The following ATP10D variants were observed in gnomAD, a reference collection of about 807,000 sequenced individuals.
ATP10D encodes ATPase phospholipid transporting 10D (putative), also known as phospholipid-transporting ATPase VD.
ATP10D carries 89 observed loss-of-function variants against 144.8 expected under a neutral mutation model. That is an observed-to-expected ratio of 0.61 (90% CI 0.52 to 0.73). The LOEUF (loss-of-function observed/expected upper bound fraction) is 0.73, where lower values mean the gene tolerates loss of function less well. Among genes scored for constraint, ATP10D ranks in the 30% least tolerant of loss-of-function variants. ATP10D has a pLI of 0.00. For synonymous variants in ATP10D, 571 were observed against 615.1 expected, an observed-to-expected ratio of 0.93 and a Z score of 1.06; for missense variants, 1,603 against 1,714.8, an observed-to-expected ratio of 0.93 and a Z score of 1.15.
intron 1 of ATP10D, among the ~76,000 whole-genome samples, chr4:47,496,837 TATTAATTA>T (rs940312069): frequency 6.6e-6 from 1 of 151,998 alleles, no homozygotes; most frequent in Non-Finnish European, 1.5e-5. Flanking sequence ...TCTTATAAGA[TATTAATTA>T]ATTAATTAAT....
chr4:47,532,524 C>T (rs190156155), intron 5 of ATP10D, among the ~76,000 whole-genome samples: 1 of 152,182 alleles, frequency 6.6e-6, no homozygotes, highest in African/African-American at 2.4e-5. Flanking sequence ...GAGCTGGCCT[C>T]AGCCATTGGC....
chr4:47,525,708 T>C, intron 5 of ATP10D, 66 bp downstream of exon 5: 2 of 1,317,056 alleles, frequency 1.5e-6, no homozygotes, highest in Admixed American at 1.7e-5. Flanking sequence ...GTACTTAATT[T>C]GATAAAGTGT....
At chr4:47,522,969 C>T in intron 3 of ATP10D, 43 bp from the exon 4 acceptor site, 2 of 1,463,188 alleles carry the variant, frequency 1.4e-6, no homozygotes, top group Admixed American at 1.9e-5. Context: ...ATGTATTTTT[C>T]ACTTGATATT....
intron 3 of ATP10D, among the ~76,000 whole-genome samples, chr4:47,520,636 T>C (rs1317429919): frequency 1.3e-5 from 2 of 152,252 alleles, no homozygotes; most frequent in East Asian, 3.9e-4. Context: ...TGGCGCAACC[T>C]TGGCTCACTG....
At chr4:47,581,886 G>A in intron 20 of ATP10D, 74 bp from the exon 21 acceptor site, 1 of 1,181,634 alleles carries the variant, frequency 8.5e-7, no homozygotes, top group Non-Finnish European at 1.3e-6. Flanking sequence ...CCTTGGTTGA[G>A]CTGTAGATAA....
At chr4:47,527,855 C>A (rs1271093097) in intron 5 of ATP10D, among the ~76,000 whole-genome samples, 1 of 152,060 alleles carries the variant, frequency 6.6e-6, no homozygotes, top group Non-Finnish European at 1.5e-5. Context: ...TAAGCATATG[C>A]CCATTATATA....
intron 16 of ATP10D, 67 bp from the exon 17 acceptor site, chr4:47,572,087 A>G (rs1048324016): frequency 7.0e-7 from 1 of 1,425,772 alleles, no homozygotes; most frequent in Non-Finnish European, 9.9e-7. Flanking sequence ...GCCCCTATTG[A>G]TTTGCAACAT....
chr4:47,563,489 T>C (rs1463920366), intron 14 of ATP10D, 92 bp from the exon 15 acceptor site: 3 of 1,215,940 alleles, frequency 2.5e-6, no homozygotes, highest in Non-Finnish European at 2.3e-6. Context: ...TAGGGTTGAG[T>C]TGGCTAACAG....
intron 9 of ATP10D, among the ~76,000 whole-genome samples, chr4:47,542,759 C>A (rs1373968182): frequency 6.6e-6 from 1 of 152,158 alleles, no homozygotes; most frequent in East Asian, 1.9e-4. Context: ...GATTGCAGGC[C>A]TGAGCCACCG....
At chr4:47,549,168 C>T (rs1718594256) in intron 10 of ATP10D, among the ~76,000 whole-genome samples, 3 of 152,186 alleles carry the variant, frequency 2.0e-5, no homozygotes, top group Admixed American at 2.0e-4. Context: ...TATGTTTATG[C>T]ATCTTTAATC....
At chr4:47,533,158 T>C (rs998683868) in intron 5 of ATP10D, among the ~76,000 whole-genome samples, 1 of 152,110 alleles carries the variant, frequency 6.6e-6, no homozygotes, top group Admixed American at 6.6e-5. Context: ...GAATTGATGA[T>C]TTCATGTGTT....
At chr4:47,585,769 A>T (rs1283534207) in intron 21 of ATP10D, among the ~76,000 whole-genome samples, 1 of 152,090 alleles carries the variant, frequency 6.6e-6, no homozygotes, top group East Asian at 1.9e-4. Context: ...TGCCTGCCTT[A>T]TTTCATTTAA....
At chr4:47,505,809 C>T (rs1205760920) in intron 1 of ATP10D, among the ~76,000 whole-genome samples, 2 of 151,632 alleles carry the variant, frequency 1.3e-5, no homozygotes, top group African/African-American at 2.4e-5. Context: ...GATTCTGATG[C>T]AAAACAAACA....
At chr4:47,557,461 A>G (rs1413544433) in intron 11 of ATP10D, among the ~76,000 whole-genome samples, 1 of 152,070 alleles carries the variant, frequency 6.6e-6, no homozygotes, top group Non-Finnish European at 1.5e-5. Flanking sequence ...TATTAATAAA[A>G]ATCAAATTAT....
chr4:47,547,090 GAA>G (rs5858078), intron 10 of ATP10D: 137 of 453,350 alleles, frequency 3.0e-4, no homozygotes, highest in South Asian at 9.0e-4. Flanking sequence ...TACCATTTCT[GAA>G]AAAAAAAAAG....
intron 9 of ATP10D, among the ~76,000 whole-genome samples, chr4:47,543,967 T>TA (rs1718290083): frequency 6.6e-6 from 1 of 152,206 alleles, no homozygotes; most frequent in African/African-American, 2.4e-5. Flanking sequence ...ATTCATTTAT[T>TA]ATTCATTTAA....
chr4:47,547,606 A>G (rs1049243553), intron 10 of ATP10D: 1 of 152,234 alleles, frequency 6.6e-6, no homozygotes, highest in Non-Finnish European at 1.5e-5. Flanking sequence ...TGTTTTACCA[A>G]AATGAGGATT....
intron 1 of ATP10D, 72 bp downstream of exon 1, chr4:47,485,591 T>C (rs534857587): frequency 1.3e-5 from 2 of 152,240 alleles, no homozygotes; most frequent in East Asian, 3.9e-4. Flanking sequence ...TTTTCCTTTC[T>C]GTTTCTCTCT....
At position 47,565,622 on chromosome 4, in the gene ATP10D, A is replaced by T. The variant is rs1719589873; in HGVS notation, c.2853+1857A>T. Among the ~76,000 whole-genome samples, 19 of 152,112 alleles carry T rather than the reference A, an allele frequency of 1.2e-4. 1 individual carries two copies. The highest frequency in any genetic ancestry group is 1.2e-3 in the Admixed American group (19 of 15,276). On this transcript the variant is annotated intron_variant, in intron 15 of 22. Transcript: ENST00000273859. ...TGTGAGCATTAAATGAAAAAATATA[A>T]ATTGTTTAATGCGGTGCCTATCAGA... is the stretch of plus-strand genomic sequence containing the variant.
Sources: allele counts gnomAD v4.1 joint callset (sites outside exome capture counted in the v4.1 genomes callset), GRCh38; gene constraint gnomAD v4.1.1; transcripts MANE v1.5; gene names NCBI Gene and HGNC (gene_info 2026-07-23, HGNC 2026-07-21).